The following PSMD1 variants were observed in gnomAD, a reference collection of about 807,000 sequenced individuals.
PSMD1 encodes the protein proteasome 26S subunit, non-ATPase 1.
In PSMD1, 18 loss-of-function variants were observed where a neutral mutation model predicts 119.0. The ratio of observed to expected loss-of-function variants is 0.15; its 90% CI spans 0.10 to 0.22. PSMD1 has a LOEUF of 0.22. Ranked by LOEUF, PSMD1 falls within the 10% of genes least tolerant of loss-of-function variation. The pLI is 1.00. For missense variants in PSMD1, 702 were observed against 1,158.5 expected (o/e 0.61, Z 5.72); for synonymous variants, 374 against 396.6 (o/e 0.94, Z 0.68).
chr2:231,119,420 T>G (rs1642796236), intron 16 of PSMD1, among the ~76,000 whole-genome samples: 2 of 152,204 alleles, frequency 1.3e-5, no homozygotes, highest in South Asian at 4.1e-4. Context: ...GATTGAACTC[T>G]GAAATAATAA....
At chr2:231,161,207 G>A (rs531986056) in intron 19 of PSMD1, 133 bp from the exon 20 acceptor site, 39 of 846,774 alleles carry the variant, frequency 4.6e-5, no homozygotes, top group Middle Eastern at 3.4e-4. Context: ...TCTGTCACCC[G>A]AGCTTGGGTA....
chr2:231,110,614 T>C (rs1695125939), intron 16 of PSMD1, among the ~76,000 whole-genome samples: 1 of 152,226 alleles, frequency 6.6e-6, no homozygotes, highest in Non-Finnish European at 1.5e-5. Context: ...TTGACAAGAA[T>C]ATGTTCCTCA....
chr2:231,109,166 G>C (rs770427725), intron 16 of PSMD1: 7 of 1,614,070 alleles, frequency 4.3e-6, no homozygotes, highest in Admixed American at 1.7e-5. Flanking sequence ...TTGGAAAACT[G>C]TAGACACAGT....
At chr2:231,112,829 C>T (rs912180755) in intron 16 of PSMD1, among the ~76,000 whole-genome samples, 5 of 152,164 alleles carry the variant, frequency 3.3e-5, no homozygotes, top group African/African-American at 1.2e-4. Flanking sequence ...TTCTGAACAT[C>T]GGTATGTTTT....
intron 16 of PSMD1, among the ~76,000 whole-genome samples, chr2:231,089,122 G>A (rs1694523604): frequency 6.6e-6 from 1 of 152,214 alleles, no homozygotes; most frequent in South Asian, 2.1e-4. Context: ...TGAGGAAGCT[G>A]CAGAAGAAAA....
chr2:231,139,870 A>G (rs1052737682), intron 17 of PSMD1, among the ~76,000 whole-genome samples: 3 of 152,230 alleles, frequency 2.0e-5, no homozygotes, highest in African/African-American at 7.2e-5. Flanking sequence ...ATTTGAAAAC[A>G]TAATTCATCA....
intron 18 of PSMD1, among the ~76,000 whole-genome samples, chr2:231,149,153 A>C (rs1401861028): frequency 6.6e-6 from 1 of 152,224 alleles, no homozygotes; most frequent in Non-Finnish European, 1.5e-5. Context: ...TTGCCCTCTT[A>C]GTTGAAGTAT....
chr2:231,083,010 T>C lies in PSMD1; in HGVS notation c.1525+16T>C. The stretch of plus-strand genomic sequence containing the variant: ...GCAGTAACAGGTAAGCATTTCTTTC[T>C]AAAGCTAACAAGCTTAAGTATTAAT... On this transcript the variant is annotated intron_variant, in intron 13 of 24. Coordinates refer to ENST00000308696, the MANE Select transcript of PSMD1 (RefSeq NM_002807.4). 2 of 1,553,438 alleles carry C rather than the reference T, an allele frequency of 1.3e-6. No homozygotes were observed. The highest frequency in any genetic ancestry group is 1.8e-6 in the Non-Finnish European group (2 of 1,126,052).
intron 16 of PSMD1, among the ~76,000 whole-genome samples, chr2:231,121,517 G>T (rs1487261169): frequency 6.6e-6 from 1 of 152,048 alleles, no homozygotes; most frequent in Non-Finnish European, 1.5e-5. Context: ...AACTTGTATT[G>T]CTAAGGATAT....
intron 16 of PSMD1, among the ~76,000 whole-genome samples, chr2:231,137,034 A>C (rs928758872): frequency 1.4e-5 from 2 of 145,322 alleles, no homozygotes; most frequent in Non-Finnish European, 3.0e-5. Context: ...TATGTACCAT[A>C]TATAATTATA....
intron 19 of PSMD1, among the ~76,000 whole-genome samples, chr2:231,157,903 T>G (rs1696550080): frequency 6.6e-6 from 1 of 152,184 alleles, no homozygotes; most frequent in Non-Finnish European, 1.5e-5. Flanking sequence ...TTCACTGTTA[T>G]GAGCATAGAA....
intron 14 of PSMD1, among the ~76,000 whole-genome samples, chr2:231,084,759 G>A (rs1694391088): frequency 6.6e-6 from 1 of 152,168 alleles, no homozygotes; most frequent in Non-Finnish European, 1.5e-5. Flanking sequence ...CTGTTGACTT[G>A]ACTTTATACT....
intron 16 of PSMD1, among the ~76,000 whole-genome samples, chr2:231,135,693 A>G (rs1695950653): frequency 6.6e-6 from 1 of 152,198 alleles, no homozygotes; most frequent in African/African-American, 2.4e-5. Flanking sequence ...GTCTAATGTC[A>G]CATAACTAAC....
At position 231,172,464 on chromosome 2, in the gene PSMD1, A is replaced by C. The variant is rs1401779322; in HGVS notation, c.*10-71A>C. 8.5e-5 allele frequency: 13 copies of C among 152,204 alleles called. 1 individual carries two copies. 9.4% of individuals were successfully genotyped at this position (152,204 alleles called of 1,614,324 possible). On this transcript the variant is annotated intron_variant, in intron 24 of 24. Coordinates refer to ENST00000308696, the MANE Select transcript of PSMD1 (RefSeq NM_002807.4). ...TTTAGATTTCAACAGTTAATAGTAA[A>C]GAGGAAAAAAAAGAATGTCTTGAAA...
intron 19 of PSMD1, among the ~76,000 whole-genome samples, chr2:231,158,017 T>A (rs553732307): frequency 6.6e-6 from 1 of 152,008 alleles, no homozygotes; most frequent in African/African-American, 2.4e-5. Flanking sequence ...CTCAGTAAAA[T>A]TAGTGGTAGT....
At chr2:231,167,367 G>A (rs941980790) in intron 23 of PSMD1, among the ~76,000 whole-genome samples, 4 of 152,174 alleles carry the variant, frequency 2.6e-5, no homozygotes, top group African/African-American at 9.7e-5. Context: ...TGATAATTAT[G>A]AACTAAGACA....
intron 1 of PSMD1, among the ~76,000 whole-genome samples, chr2:231,058,092 C>T (rs1173531093): frequency 5.9e-5 from 9 of 152,158 alleles, no homozygotes; most frequent in Non-Finnish European, 1.2e-4. Flanking sequence ...GTCACTTGTA[C>T]CTGAAATAAG....
chr2:231,116,847 T>C (rs529107495), intron 16 of PSMD1, among the ~76,000 whole-genome samples: 1 of 152,220 alleles, frequency 6.6e-6, no homozygotes, highest in Non-Finnish European at 1.5e-5. Context: ...GATGAATCTT[T>C]ACAATTCCAA....
intron 16 of PSMD1, among the ~76,000 whole-genome samples, chr2:231,106,387 G>A (rs962408005): frequency 3.9e-5 from 6 of 152,140 alleles, no homozygotes; most frequent in Non-Finnish European, 8.8e-5. Flanking sequence ...GGGAGGCCAA[G>A]GCAGGCAGAT....
Sources: gnomAD v4.1 joint callset for allele counts (sites outside exome capture counted in the v4.1 genomes callset) on GRCh38, gnomAD v4.1.1 for gene constraint, MANE v1.5 for transcripts, NCBI Gene and HGNC (gene_info 2026-07-23, HGNC 2026-07-21) for gene names.